The following CNTN5 variants were observed in gnomAD, a reference collection of about 807,000 sequenced individuals.
CNTN5 encodes the protein contactin-5.
CNTN5 carries 77 observed loss-of-function variants against 129.1 expected under a neutral mutation model. That is an observed-to-expected ratio of 0.60 (90% CI 0.50 to 0.72). CNTN5 has a LOEUF of 0.72. Among genes scored for constraint, CNTN5 ranks in the 30% least tolerant of loss-of-function variants. CNTN5 has a pLI of 0.00. For missense variants in CNTN5, 1,478 were observed against 1,328.8 expected (o/e 1.11, Z -1.75); for synonymous variants, 509 against 465.6 (o/e 1.09, Z -1.20).
At chr11:100,328,697 T>C (rs139533253) in intron 21 of CNTN5, among the ~76,000 whole-genome samples, 10 of 152,146 alleles carry the variant, frequency 6.6e-5, no homozygotes, top group Non-Finnish European at 8.8e-5. Context: ...CACCTCCAAA[T>C]TGGGGATTAC....
intron 3 of CNTN5, among the ~76,000 whole-genome samples, chr11:99,608,485 G>A (rs759626639): frequency 2.0e-5 from 3 of 152,170 alleles, no homozygotes; most frequent in Non-Finnish European, 2.9e-5. Context: ...GGTAATCAAT[G>A]TAAAATGAGT....
chr11:99,035,046 G>T (rs944908160), intron 1 of CNTN5, among the ~76,000 whole-genome samples: 1 of 150,268 alleles, frequency 6.7e-6, no homozygotes, highest in African/African-American at 2.4e-5. Context: ...TCATTCAGGA[G>T]CAGGTTGTTC....
intron 1 of CNTN5, among the ~76,000 whole-genome samples, chr11:99,109,901 TA>T (rs1393150852): frequency 6.6e-6 from 1 of 152,160 alleles, no homozygotes; most frequent in African/African-American, 2.4e-5. Flanking sequence ...CTGTTTTTCC[TA>T]GAATCTTTAC....
intron 1 of CNTN5, among the ~76,000 whole-genome samples, chr11:99,247,629 A>G (rs934753472): frequency 2.0e-5 from 3 of 151,724 alleles, no homozygotes; most frequent in Non-Finnish European, 4.4e-5. Flanking sequence ...ATCCCACAAC[A>G]GGCCCTGGTG....
In CNTN5 at chr11:100,145,001, T is replaced by C. The variant is rs538238188; in HGVS notation, c.1581-46125T>C. Among the ~76,000 whole-genome samples the C allele has an allele frequency of 4.8e-5, 6 of 125,554 alleles. No individual in the cohort carries two copies. In the South Asian group the frequency reaches 1.6e-3, roughly 33 times the overall value. The allele number at this position is 125,554 out of a possible 152,430, so 82.4% of individuals were successfully genotyped here. On this transcript the variant is annotated intron_variant, in intron 13 of 24. Coordinates refer to ENST00000524871, the MANE Select transcript of CNTN5 (RefSeq NM_014361.4). ...TCAAGTTTATGGTACCGACTTCACA[T>C]AATAAATTAGAGACCTTTCCATTGG...
chr11:99,611,829 T>G (rs1402192309), intron 3 of CNTN5, among the ~76,000 whole-genome samples: 4 of 152,148 alleles, frequency 2.6e-5, no homozygotes, highest in African/African-American at 9.6e-5. Flanking sequence ...AGACTGGCAG[T>G]TTTATACTTT....
chr11:99,119,386 C>T lies in CNTN5; in HGVS notation c.-210+98116C>T, dbSNP rs138027148. Among the ~76,000 whole-genome samples, 1,206 of 152,220 alleles carry T rather than the reference C, an allele frequency of 7.9e-3. 60 individuals are homozygous for T. Among genetic ancestry groups the T allele is most frequent in the Admixed American group, 0.068 (1,032 of 15,266 alleles). ...CTCCCACTTATAAAATGAGAACATA[C>T]GGTTTTTGGTTTTCTGTTGCTGTGT... On this transcript the variant is annotated intron_variant, in intron 1 of 24. Coordinates refer to ENST00000524871, the MANE Select transcript of CNTN5 (RefSeq NM_014361.4).
chr11:100,239,909 A>T (rs1292374369), intron 16 of CNTN5, among the ~76,000 whole-genome samples: 1 of 152,218 alleles, frequency 6.6e-6, no homozygotes, highest in African/African-American at 2.4e-5. Flanking sequence ...AGCCTGCTTG[A>T]ATTATATGTT....
At chr11:100,054,039 T>C (rs1173708155) in intron 9 of CNTN5, among the ~76,000 whole-genome samples, 3 of 151,722 alleles carry the variant, frequency 2.0e-5, no homozygotes, top group African/African-American at 7.2e-5. Context: ...CATCAGCTCA[T>C]TGATTGCCTG....
intron 18 of CNTN5, among the ~76,000 whole-genome samples, chr11:100,290,194 C>G (rs889282891): frequency 6.6e-6 from 1 of 151,422 alleles, no homozygotes; most frequent in African/African-American, 2.4e-5. Flanking sequence ...AGGTAATTTA[C>G]AGATTCAATG....
chr11:100,171,252 G>A (rs1947817068), intron 13 of CNTN5, among the ~76,000 whole-genome samples: 1 of 152,006 alleles, frequency 6.6e-6, no homozygotes, highest in South Asian at 2.1e-4. Context: ...AACCATCCCA[G>A]GTGGGGATAT....
intron 13 of CNTN5, among the ~76,000 whole-genome samples, chr11:100,148,780 G>C (rs993907283): frequency 2.0e-5 from 3 of 152,140 alleles, no homozygotes; most frequent in Admixed American, 2.0e-4. Flanking sequence ...ATAGGGAGTA[G>C]TCTATGCTCT....
chr11:99,632,217 A>G (rs1040253570), intron 3 of CNTN5, among the ~76,000 whole-genome samples: 2 of 152,196 alleles, frequency 1.3e-5, no homozygotes, highest in Middle Eastern at 3.2e-3. Flanking sequence ...ATGTACAAAT[A>G]TGTACATGTA....
intron 7 of CNTN5, among the ~76,000 whole-genome samples, chr11:99,946,044 T>C (rs906349065): frequency 2.6e-5 from 4 of 152,186 alleles, no homozygotes; most frequent in Non-Finnish European, 5.9e-5. Flanking sequence ...TAACAGTTTG[T>C]GTGCAGTCAC....
chr11:99,628,249 G>T (rs1238940489), intron 3 of CNTN5, among the ~76,000 whole-genome samples: 2 of 151,776 alleles, frequency 1.3e-5, no homozygotes, highest in Admixed American at 1.3e-4. Context: ...GTAAACATTT[G>T]ACCCATCTAG....
chr11:99,647,828 G>T (rs1175406933), intron 3 of CNTN5, among the ~76,000 whole-genome samples: 1 of 151,316 alleles, frequency 6.6e-6, no homozygotes, highest in Non-Finnish European at 1.5e-5. Context: ...TACTTATTCA[G>T]CTACTTTGTT....
Position 99,528,353 on chromosome 11 carries a change from C to T in CNTN5, c.-70-27792C>T, listed in dbSNP as rs141069118. On this transcript the variant is annotated intron_variant, in intron 2 of 24. Coordinates refer to ENST00000524871, the MANE Select transcript of CNTN5 (RefSeq NM_014361.4). ...GACAGTCACATACATGTAATAGTTACGAGCACGTGAATTGTATTCATACAG... is the reference window on the plus strand; with the variant it reads ...GACAGTCACATACATGTAATAGTTATGAGCACGTGAATTGTATTCATACAG... Among the ~76,000 whole-genome samples, 315 of 152,214 alleles carry T rather than the reference C, an allele frequency of 2.1e-3. 2 individuals are homozygous for T. The highest frequency in any genetic ancestry group is 6.3e-3 in the African/African-American group (263 of 41,528).
intron 9 of CNTN5, among the ~76,000 whole-genome samples, chr11:100,037,003 A>G (rs186343784): frequency 6.6e-6 from 1 of 151,502 alleles, no homozygotes; most frequent in Non-Finnish European, 1.5e-5. Flanking sequence ...TTCCAACACT[A>G]TGTTGAATAG....
chr11:100,102,700 A>T (rs1945272348), intron 13 of CNTN5, among the ~76,000 whole-genome samples: 1 of 152,140 alleles, frequency 6.6e-6, no homozygotes, highest in Admixed American at 6.6e-5. Context: ...AGACATTACT[A>T]AAATGTGTAT....
Sources: allele counts gnomAD v4.1 joint callset (sites outside exome capture counted in the v4.1 genomes callset), GRCh38; gene constraint gnomAD v4.1.1; transcripts MANE v1.5; gene names NCBI Gene and HGNC (gene_info 2026-07-23, HGNC 2026-07-21).